The following LRBA variants were observed in gnomAD, a reference collection of about 807,000 sequenced individuals.
LRBA encodes lipopolysaccharide-responsive and beige-like anchor protein.
In LRBA, 176 loss-of-function variants were observed where a neutral mutation model predicts 330.0. The ratio of observed to expected loss-of-function variants is 0.53; its 90% CI spans 0.47 to 0.60. The LOEUF is 0.60. Ranked by LOEUF, LRBA falls within the 20% of genes least tolerant of loss-of-function variation. The pLI is 0.00. For synonymous variants in LRBA, 1,230 were observed against 1,193.0 expected (o/e 1.03, Z -0.64); for missense variants, 3,259 against 3,444.8 (o/e 0.95, Z 1.35).
At chr4:150,998,870 C>T (rs1257454725) in intron 2 of LRBA, among the ~76,000 whole-genome samples, 1 of 152,168 alleles carries the variant, frequency 6.6e-6, no homozygotes, top group Non-Finnish European at 1.5e-5. Context: ...TACACTAGAA[C>T]TCCATTATCT....
chr4:150,435,918 T>C (rs1443186729), intron 45 of LRBA, among the ~76,000 whole-genome samples: 1 of 152,180 alleles, frequency 6.6e-6, no homozygotes, highest in Non-Finnish European at 1.5e-5. Context: ...ATTTCAAAAA[T>C]TTGGTATTTG....
intron 36 of LRBA, among the ~76,000 whole-genome samples, chr4:150,704,171 A>T (rs1785387141): frequency 6.6e-6 from 1 of 152,142 alleles, no homozygotes; most frequent in South Asian, 2.1e-4. Context: ...CCATGATCCC[A>T]CCACTGGACT....
intron 42 of LRBA, among the ~76,000 whole-genome samples, chr4:150,483,386 T>C (rs1247518679): frequency 6.6e-6 from 1 of 152,078 alleles, no homozygotes; most frequent in Non-Finnish European, 1.5e-5. Context: ...CTAATGAATG[T>C]AATTTTATAT....
intron 47 of LRBA, among the ~76,000 whole-genome samples, chr4:150,365,858 T>C (rs1244176859): frequency 6.6e-6 from 1 of 152,078 alleles, no homozygotes; most frequent in Non-Finnish European, 1.5e-5. Flanking sequence ...CATGAACTAT[T>C]TGATTTCCTT....
rs1275910542 is a variant in LRBA, at chr4:150,863,257, CACT to C, written c.2766+4411_2766+4413del. On this transcript the variant is annotated intron_variant, in intron 22 of 56. Coordinates refer to ENST00000651943, the MANE Select transcript of LRBA (RefSeq NM_001364905.1). ...AAGTTGCAGTGAGCTATGAGCACAC[CACT>C]ACACTTCACCTGTCTCAAAAAATAT... Among the ~76,000 whole-genome samples the C allele has an allele frequency of 4.6e-5, 7 of 152,264 alleles. No homozygotes were observed. The East Asian group carries it at 1.3e-3, about 29-fold the overall frequency.
intron 48 of LRBA, among the ~76,000 whole-genome samples, chr4:150,338,966 T>TAC (rs200463218): frequency 0.52 from 77,687 of 148,498 alleles, 20,863 homozygotes; most frequent in Non-Finnish European, 0.59. Context: ...TATTTAATTA[T>TAC]ACACACACAC....
intron 40 of LRBA, among the ~76,000 whole-genome samples, chr4:150,550,455 A>G (rs923915247): frequency 7.2e-5 from 11 of 152,228 alleles, no homozygotes; most frequent in African/African-American, 2.7e-4. Flanking sequence ...TATTTAGAAT[A>G]CAAATGAGTA....
chr4:150,732,283 C>A (rs544122836), intron 36 of LRBA, among the ~76,000 whole-genome samples: 85 of 152,030 alleles, frequency 5.6e-4, no homozygotes, highest in African/African-American at 2.0e-3. Flanking sequence ...TAATTCCTAA[C>A]AGATATATTC....
chr4:150,266,419 ACTT>A (rs1175775656), intron 56 of LRBA, among the ~76,000 whole-genome samples: 1 of 152,224 alleles, frequency 6.6e-6, no homozygotes, highest in Non-Finnish European at 1.5e-5. Context: ...GAAGATAAGA[ACTT>A]CTGCAAGCTT....
At position 150,735,128 on chromosome 4, in the gene LRBA, T is replaced by G. The variant is rs890225765; in HGVS notation, c.5754+130A>C. ...TCCCAGAACCCCCATGACTCTCCTA[T>G]AAACCTAGATTTTAATTTTTTGATG... On this transcript the variant is annotated intron_variant, in intron 36 of 56. Coordinates refer to ENST00000651943, the MANE Select transcript of LRBA (RefSeq NM_001364905.1). 10 of 703,874 alleles carry G rather than the reference T, an allele frequency of 1.4e-5. No individual in the cohort carries two copies. In the African/African-American group the frequency reaches 1.8e-4, roughly 13 times the overall value. 43.6% of individuals were successfully genotyped at this position (703,874 alleles called of 1,614,324 possible).
At chr4:150,315,241 A>T in intron 51 of LRBA, 1 of 386,884 alleles carries the variant, frequency 2.6e-6, no homozygotes, top group Non-Finnish European at 4.7e-6. Context: ...GCTCCTGCTC[A>T]TCAACAAGTC....
chr4:150,612,659 T>C (rs1775388675), intron 37 of LRBA, among the ~76,000 whole-genome samples: 1 of 152,218 alleles, frequency 6.6e-6, no homozygotes, highest in African/African-American at 2.4e-5. Context: ...ATTATATTCA[T>C]TTACAAATAT....
chr4:150,362,009 T>C (rs1326997895), intron 47 of LRBA, among the ~76,000 whole-genome samples: 4 of 152,110 alleles, frequency 2.6e-5, no homozygotes, highest in Non-Finnish European at 4.4e-5. Flanking sequence ...CCTGACCTCA[T>C]GATCTGCCCG....
chr4:150,871,402 T>C lies in LRBA; in HGVS notation c.2310A>G (p.Glu770=), dbSNP rs763445693. 1.9e-6 allele frequency: 3 copies of C among 1,612,774 alleles called. No individual in the cohort carries two copies. In the Admixed American group the frequency reaches 5.0e-5, roughly 27 times the overall value. Reference sequence around the variant, plus strand: ...TTAAATTTGTCTGAAGCATGAGCCTTTCAGCTAGCAATGAAAACAATCCAT... The same window carrying C: ...TTAAATTTGTCTGAAGCATGAGCCTCTCAGCTAGCAATGAAAACAATCCAT... The part of the protein sequence containing the change: ...LGHGLFSLLA[E]RLMLQTNLIT... The change falls in exon 19 of 57, where the codon GAA becomes GAG. Residue 770 remains glutamate (E), a synonymous_variant. Coordinates refer to ENST00000651943, the MANE Select transcript of LRBA (RefSeq NM_001364905.1).
intron 36 of LRBA, among the ~76,000 whole-genome samples, chr4:150,686,862 A>T (rs2126933344): frequency 6.6e-6 from 1 of 152,276 alleles, no homozygotes; most frequent in East Asian, 1.9e-4. Context: ...TTTTGTAAAC[A>T]TTTGATAAGC....
At chr4:150,678,449 C>T (rs1409946428) in intron 37 of LRBA, among the ~76,000 whole-genome samples, 1 of 152,028 alleles carries the variant, frequency 6.6e-6, no homozygotes, top group African/African-American at 2.4e-5. Context: ...TATCAACTTA[C>T]TAGAAAAATG....
chr4:150,807,349 A>G (rs1742943931), intron 32 of LRBA, among the ~76,000 whole-genome samples: 1 of 152,118 alleles, frequency 6.6e-6, no homozygotes, highest in Non-Finnish European at 1.5e-5. Flanking sequence ...TTTCTTCCAC[A>G]CAACTCATAG....
At chr4:150,857,843 A>G (rs1751406724) in intron 22 of LRBA, among the ~76,000 whole-genome samples, 2 of 152,224 alleles carry the variant, frequency 1.3e-5, no homozygotes, top group Admixed American at 6.5e-5. Context: ...TTCAAATGTT[A>G]TATCAAAGCT....
chr4:150,290,108 G>C (rs1421744622), intron 53 of LRBA, among the ~76,000 whole-genome samples: 1 of 152,162 alleles, frequency 6.6e-6, no homozygotes, highest in Non-Finnish European at 1.5e-5. Context: ...GGAAAGCCTA[G>C]AAACAAAATC....
Sources: allele counts gnomAD v4.1 joint callset (sites outside exome capture counted in the v4.1 genomes callset), GRCh38; gene constraint gnomAD v4.1.1; transcripts MANE v1.5; gene names NCBI Gene and HGNC (gene_info 2026-07-23, HGNC 2026-07-21).